DGKG: variants seen among roughly 807,000 people sequenced by gnomAD.
DGKG encodes diacylglycerol kinase gamma, also known as DAG kinase gamma.
DGKG carries 78 observed loss-of-function variants against 105.3 expected under a neutral mutation model. The observed-to-expected ratio is 0.74, with a 90% CI of 0.62 to 0.89. The LOEUF (loss-of-function observed/expected upper bound fraction) is 0.89, where lower values mean the gene tolerates loss of function less well. Among genes scored for constraint, DGKG ranks in the 40% least tolerant of loss-of-function variants. DGKG has a pLI of 0.00. For synonymous variants in DGKG, 346 were observed against 367.1 expected, an observed-to-expected ratio of 0.94 and a Z score of 0.66; for missense variants, 958 against 1,020.1, an observed-to-expected ratio of 0.94 and a Z score of 0.83.
chr3:186,298,596 A>C (rs527619502), intron 3 of DGKG, among the ~76,000 whole-genome samples: 147 of 152,340 alleles, frequency 9.6e-4, no homozygotes, highest in Non-Finnish European at 1.8e-3. Context: ...GCCTTAGTCC[A>C]GGCCTGTGTG....
intron 5 of DGKG, among the ~76,000 whole-genome samples, chr3:186,292,815 A>G (rs1723371913): frequency 6.6e-6 from 1 of 152,150 alleles, no homozygotes; most frequent in Non-Finnish European, 1.5e-5. Context: ...CTCAAAAAAA[A>G]AAAGAAGAAA....
chr3:186,230,188 G>A (rs1354092987), intron 20 of DGKG, among the ~76,000 whole-genome samples: 1 of 152,164 alleles, frequency 6.6e-6, no homozygotes, highest in African/African-American at 2.4e-5. Flanking sequence ...AACCCAGGAG[G>A]TGGAGGCTGC....
intron 16 of DGKG, 137 bp from the exon 17 acceptor site, chr3:186,258,076 C>CA: frequency 1.5e-6 from 1 of 687,826 alleles, no homozygotes; most frequent in South Asian, 1.7e-5. Flanking sequence ...AAGGGTCACT[C>CA]AATGTTCTGA....
chr3:186,350,978 A>G (rs1450889105), intron 1 of DGKG, among the ~76,000 whole-genome samples: 4 of 152,124 alleles, frequency 2.6e-5, no homozygotes, highest in Admixed American at 6.5e-5. Context: ...GGAGTTCTCT[A>G]TATATTCTGG....
chr3:186,217,605 C>A (rs1227284076), intron 20 of DGKG, among the ~76,000 whole-genome samples: 1 of 152,206 alleles, frequency 6.6e-6, no homozygotes, highest in African/African-American at 2.4e-5. Context: ...ATGAGACTAA[C>A]TAAAAATGTT....
intron 6 of DGKG, among the ~76,000 whole-genome samples, chr3:186,285,682 T>C (rs79802900): frequency 6.8e-6 from 1 of 148,066 alleles, no homozygotes; most frequent in Admixed American, 6.7e-5. Context: ...TTTCTTTCTT[T>C]TTTTTTTTTT....
At chr3:186,264,291 T>A (rs1721935268) in intron 14 of DGKG, among the ~76,000 whole-genome samples, 1 of 152,156 alleles carries the variant, frequency 6.6e-6, no homozygotes, top group Non-Finnish European at 1.5e-5. Context: ...TGAGACATAA[T>A]CTCCCTCTGT....
chr3:186,163,813 G>A (rs914353597), intron 23 of DGKG, among the ~76,000 whole-genome samples: 2 of 152,118 alleles, frequency 1.3e-5, no homozygotes, highest in Non-Finnish European at 2.9e-5. Context: ...GCTTAGATGT[G>A]TTAACAGACT....
intron 1 of DGKG, among the ~76,000 whole-genome samples, chr3:186,334,734 A>T (rs2108654655): frequency 6.6e-6 from 1 of 152,362 alleles, no homozygotes; most frequent in East Asian, 1.9e-4. Context: ...AGCTGAGGAA[A>T]CTGAAACACG....
At chr3:186,200,728 G>A (rs1211667048) in intron 21 of DGKG, among the ~76,000 whole-genome samples, 2 of 152,228 alleles carry the variant, frequency 1.3e-5, no homozygotes, top group Non-Finnish European at 1.5e-5. Flanking sequence ...GCTGAGGTGG[G>A]CCAGTTAGAC....
In DGKG at chr3:186,222,999, C is replaced by T. The variant is rs376249842; in HGVS notation, c.1827-11114G>A. Among the ~76,000 whole-genome samples, 442 of 52,976 alleles carry T rather than the reference C, an allele frequency of 8.3e-3. 7 individuals are homozygous for T. The highest frequency in any genetic ancestry group is 0.022 in the African/African-American group (387 of 17,952). The allele number at this position is 52,976 out of a possible 152,430, so 34.8% of individuals were successfully genotyped here. ...ACAAACAAACAAAAGAATACACACA[C>T]GTGTATGTATACTATATATATATAT... On this transcript the variant is annotated intron_variant, in intron 20 of 24. Transcript: ENST00000265022.
chr3:186,235,786 G>A (rs1460522716), intron 20 of DGKG, among the ~76,000 whole-genome samples: 3 of 152,144 alleles, frequency 2.0e-5, no homozygotes, highest in Non-Finnish European at 2.9e-5. Context: ...GGAGAGGTAC[G>A]TGGTGGGTGA....
At chr3:186,173,431 C>T (rs1201204772) in intron 22 of DGKG, among the ~76,000 whole-genome samples, 5 of 152,254 alleles carry the variant, frequency 3.3e-5, no homozygotes, top group African/African-American at 1.2e-4. Context: ...AAAGAAAAGA[C>T]ACAAGCCCAG....
chr3:186,212,375 T>C (rs919779115), intron 20 of DGKG, among the ~76,000 whole-genome samples: 3 of 152,156 alleles, frequency 2.0e-5, no homozygotes, highest in Non-Finnish European at 4.4e-5. Context: ...AGCTAAAATG[T>C]GTGCTGCATT....
intron 22 of DGKG, among the ~76,000 whole-genome samples, chr3:186,170,522 A>G (rs1258211444): frequency 1.3e-5 from 2 of 152,194 alleles, no homozygotes; most frequent in Admixed American, 6.5e-5. Context: ...AGGCAAGAAA[A>G]CTGCCCAAAA....
intron 5 of DGKG, among the ~76,000 whole-genome samples, chr3:186,291,369 A>T (rs979388319): frequency 9.9e-5 from 15 of 151,952 alleles, no homozygotes; most frequent in Non-Finnish European, 1.9e-4. Flanking sequence ...CATAATATGT[A>T]AAAAGAAATT....
At chr3:186,265,837 T>G (rs1722029842) in intron 13 of DGKG, among the ~76,000 whole-genome samples, 1 of 151,702 alleles carries the variant, frequency 6.6e-6, no homozygotes, top group African/African-American at 2.4e-5. Context: ...TAATTGCTAA[T>G]TTTCTTGTAT....
chr3:186,194,422 T>C (rs1718073351), intron 21 of DGKG, among the ~76,000 whole-genome samples: 1 of 152,164 alleles, frequency 6.6e-6, no homozygotes, highest in African/African-American at 2.4e-5. Flanking sequence ...CGCCGTGACC[T>C]CAAAAGGGCG....
intron 1 of DGKG, among the ~76,000 whole-genome samples, chr3:186,339,892 C>T (rs1033400277): frequency 6.6e-6 from 1 of 152,234 alleles, no homozygotes; most frequent in Non-Finnish European, 1.5e-5. Context: ...CTTGAGCATA[C>T]TATTTATTCT....
Sources: allele counts gnomAD v4.1 joint callset (sites outside exome capture counted in the v4.1 genomes callset), GRCh38; gene constraint gnomAD v4.1.1; transcripts MANE v1.5; gene names NCBI Gene and HGNC (gene_info 2026-07-23, HGNC 2026-07-21).